The following HEPH variants were observed in gnomAD, a reference collection of about 807,000 sequenced individuals.
HEPH encodes the protein hephaestin.
In HEPH, 69 loss-of-function variants were observed where a neutral mutation model predicts 80.8. The observed-to-expected ratio is 0.85, with a 90% CI of 0.70 to 1.04. The LOEUF (loss-of-function observed/expected upper bound fraction) is 1.04, where lower values mean the gene tolerates loss of function less well. Among genes scored for constraint, HEPH ranks in the 50% least tolerant of loss-of-function variants. The pLI, the probability that HEPH is intolerant of heterozygous loss-of-function variation, is 0.00. For missense variants in HEPH, 1,115 were observed against 891.3 expected, an observed-to-expected ratio of 1.25 and a Z score of -3.20; for synonymous variants, 431 against 322.8, an observed-to-expected ratio of 1.34 and a Z score of -3.60.
intron 15 of HEPH, among the ~76,000 whole-genome samples, chrX:66,213,682 TA>T (rs1174763889): frequency 2.7e-5 from 3 of 109,886 alleles, no homozygotes; most frequent in East Asian, 2.8e-4. Flanking sequence ...GCCAAAACAT[TA>T]AAAAAAAATA....
intron 15 of HEPH, among the ~76,000 whole-genome samples, chrX:66,228,860 A>C (rs1475651823): frequency 1.8e-5 from 2 of 111,387 alleles, no homozygotes; most frequent in Non-Finnish European, 3.8e-5. Context: ...GGCCATAGTC[A>C]AAAAAATAAA....
rs141297107 is a variant in HEPH at position 66,198,210 on chromosome X, C to T, written c.1713+316C>T. Among the ~76,000 whole-genome samples, 147 of 105,135 alleles carry T rather than the reference C, an allele frequency of 1.4e-3. 1 individual carries two copies. In the East Asian group the frequency reaches 0.038, roughly 27 times the overall value. 91.3% of individuals were successfully genotyped at this position (105,135 alleles called of 115,157 possible). On this transcript the variant is annotated intron_variant, in intron 10 of 20. Coordinates refer to ENST00000343002, the MANE Select transcript of HEPH (RefSeq NM_001367233.3). ...CCCCTCTCCCTTTCCCTCTCCCTCACCTCGGTGGCCCCTAAACCTTGCTCC... is the reference window on the plus strand; with the variant it reads ...CCCCTCTCCCTTTCCCTCTCCCTCATCTCGGTGGCCCCTAAACCTTGCTCC...
chrX:66,196,280 G>C (rs2088089057), intron 9 of HEPH, among the ~76,000 whole-genome samples: 1 of 111,504 alleles, frequency 9.0e-6, no homozygotes, highest in Non-Finnish European at 1.9e-5. Context: ...AAAACTGTAT[G>C]TATGTGTGTG....
At chrX:66,169,167 G>T (rs1334411724) in intron 1 of HEPH, among the ~76,000 whole-genome samples, 1 of 111,152 alleles carries the variant, frequency 9.0e-6, no homozygotes, top group South Asian at 3.8e-4. Flanking sequence ...TGTAATATGG[G>T]GATAATAATG....
At chrX:66,212,444 C>A (rs1231238854) in intron 15 of HEPH, among the ~76,000 whole-genome samples, 1 of 111,030 alleles carries the variant, frequency 9.0e-6, no homozygotes, top group Non-Finnish European at 1.9e-5. Context: ...CTCCAGTTTT[C>A]TTCTAGTATT....
At chrX:66,199,197 C>T (rs1407236543) in intron 11 of HEPH, among the ~76,000 whole-genome samples, 169 bp downstream of exon 11, 1 of 112,054 alleles carries the variant, frequency 8.9e-6, no homozygotes, top group African/African-American at 3.2e-5. Flanking sequence ...ATACTTAGTA[C>T]CTTTGGGTGC....
upstream of HEPH, among the ~76,000 whole-genome samples, chrX:66,163,560 T>C (rs1207447052): frequency 9.0e-6 from 1 of 110,991 alleles, no homozygotes; most frequent in African/African-American, 3.3e-5. Context: ...TATAAAAAAA[T>C]CCACCAGTGA....
intron 15 of HEPH, among the ~76,000 whole-genome samples, chrX:66,212,533 TG>T (rs747177968): frequency 8.9e-6 from 1 of 111,997 alleles, no homozygotes; most frequent in Admixed American, 9.5e-5. Flanking sequence ...CTTCTGCATG[TG>T]GCTGTGCAGT....
At chrX:66,170,384 A>G (rs903557410) in intron 1 of HEPH, 174 bp from the exon 2 acceptor site, 1 of 411,660 alleles carries the variant, frequency 2.4e-6, no homozygotes, top group Non-Finnish European at 4.2e-6. Context: ...AAATCCAATC[A>G]TTGAAAACTT....
chrX:66,215,993 C>G (rs1407825148), intron 15 of HEPH, among the ~76,000 whole-genome samples: 1 of 111,761 alleles, frequency 8.9e-6, no homozygotes. Context: ...CAGCCATAAT[C>G]CCCCTAGGAA....
chrX:66,188,355 C>T lies in HEPH; in HGVS notation c.626-4C>T, dbSNP rs755124531. The T allele has an allele frequency of 1.7e-6, 2 of 1,176,050 alleles. No individual in the cohort carries two copies. The highest frequency in any genetic ancestry group is 2.3e-6 in the Non-Finnish European group (2 of 876,511). On this transcript the variant is annotated splice_region_variant and splice_polypyrimidine_tract_variant and intron_variant, in intron 4 of 20. Coordinates refer to ENST00000343002, the MANE Select transcript of HEPH (RefSeq NM_001367233.3). ...CTCAAGGGAAACTGTCTTACTTGCC[C>T]TAGGAGCCCTGGATGGGAACTCCCC...
intron 17 of HEPH, 93 bp downstream of exon 17, chrX:66,256,423 A>T: frequency 3.2e-6 from 2 of 617,296 alleles, no homozygotes; most frequent in East Asian, 7.0e-5. Flanking sequence ...AGGGAACATA[A>T]TCCCAGAGAG....
intron 15 of HEPH, among the ~76,000 whole-genome samples, chrX:66,233,333 T>C (rs1330304256): frequency 3.6e-5 from 4 of 111,375 alleles, no homozygotes; most frequent in African/African-American, 1.3e-4. Context: ...CTCAAGCCTG[T>C]TTTGAGGCCC....
At chrX:66,168,014 G>A (rs776057345) in intron 1 of HEPH, among the ~76,000 whole-genome samples, 4 of 111,698 alleles carry the variant, frequency 3.6e-5, no homozygotes, top group African/African-American at 9.8e-5. Context: ...GATACACAGC[G>A]ACCTCTAAAA....
rs2088192772 is a variant in HEPH at position 66,197,901 on chromosome X, T to C, written c.1713+7T>C. 8.5e-7 allele frequency: 1 copy of C among 1,182,337 alleles called. No individual in the cohort carries two copies. The highest frequency in any genetic ancestry group is 1.1e-6 in the Non-Finnish European group (1 of 878,736). ...GGGTGCAGATGGCAAGCAGGTATTG[T>C]CAGGGTTATCTGGCTGGAAAGCCTG... On this transcript the variant is annotated splice_region_variant and intron_variant, in intron 10 of 20. Transcript: ENST00000343002.
In HEPH at chrX:66,255,239, A is replaced by G. The variant is rs2091137682; in HGVS notation, c.2670+98A>G. On this transcript the variant is annotated intron_variant, in intron 16 of 20. Transcript: ENST00000343002. ...AAGAAGCTTACTCCTGAGATTCTAG[A>G]GCCTAGAATTTGGGGAACATTCTTC... 4 of 479,608 alleles carry G rather than the reference A, an allele frequency of 8.3e-6. No homozygotes were observed. The East Asian group carries it at 1.5e-4, about 18-fold the overall frequency. The allele number at this position is 479,608 out of a possible 1,213,427, so 39.5% of individuals were successfully genotyped here.
intron 18 of HEPH, 39 bp downstream of exon 18, chrX:66,259,018 A>G (rs765595956): frequency 4.3e-6 from 5 of 1,161,917 alleles, no homozygotes. Flanking sequence ...AAGGATGATT[A>G]GAACAGTGGT....
At chrX:66,187,420 T>C (rs957395127) in intron 4 of HEPH, among the ~76,000 whole-genome samples, 4 of 111,563 alleles carry the variant, frequency 3.6e-5, no homozygotes, top group African/African-American at 1.3e-4. Flanking sequence ...AAGGCTGTTC[T>C]TCAGATTCTT....
intron 12 of HEPH, among the ~76,000 whole-genome samples, chrX:66,202,274 TGTA>T (rs1008895274): frequency 2.7e-5 from 3 of 111,443 alleles, no homozygotes; most frequent in Admixed American, 9.5e-5. Flanking sequence ...CAGAGTTCCA[TGTA>T]GTTGGAGTGC....
Sources: gnomAD v4.1 joint callset for allele counts (sites outside exome capture counted in the v4.1 genomes callset) on GRCh38, gnomAD v4.1.1 for gene constraint, MANE v1.5 for transcripts, NCBI Gene and HGNC (gene_info 2026-07-23, HGNC 2026-07-21) for gene names.